The following XXYLT1 variants were observed in gnomAD, a reference collection of about 807,000 sequenced individuals.
XXYLT1 encodes the protein UDP-xylose:alpha-xyloside alpha-1,3-xylosyltransferase.
In XXYLT1, 20 loss-of-function variants were observed where a neutral mutation model predicts 28.9. The ratio of observed to expected loss-of-function variants is 0.69; its 90% CI spans 0.49 to 1.00. XXYLT1 has a LOEUF of 1.00. XXYLT1 is among the 50% of genes least tolerant of loss of function. The pLI is 0.00. For missense variants in XXYLT1, 542 were observed against 560.1 expected, an observed-to-expected ratio of 0.97 and a Z score of 0.33; for synonymous variants, 257 against 253.8, an observed-to-expected ratio of 1.01 and a Z score of -0.12.
rs1721887187 is a variant in XXYLT1 at position 195,180,307 on chromosome 3, C to T, written c.653-23726G>A. On this transcript the variant is annotated intron_variant, in intron 2 of 3. Coordinates refer to ENST00000310380, the MANE Select transcript of XXYLT1 (RefSeq NM_152531.5). The surrounding 1 kb of genome is among the most constrained non-coding windows in gnomAD (Gnocchi z 5.8). ...GGAAAGGTCCCTTCCATCCTGGGGA[C>T]CCAACTCATGAGGGCCCAGAAGGAA... The T allele has an allele frequency of 1.0e-6, 1 of 985,126 alleles. No homozygotes were observed. Among genetic ancestry groups the T allele is most frequent in the South Asian group, 4.7e-5 (1 of 21,268 alleles). 61.0% of individuals were successfully genotyped at this position (985,126 alleles called of 1,614,324 possible). A position where few individuals can be genotyped will look rare whatever the true frequency, so the allele number is the denominator to read the frequency against.
intron 3 of XXYLT1, among the ~76,000 whole-genome samples, chr3:195,083,352 C>T (rs1374797645): frequency 2.0e-5 from 3 of 152,194 alleles, no homozygotes; most frequent in African/African-American, 7.2e-5. Flanking sequence ...AGACTCCTCC[C>T]AGGCTGGAGT....
intron 1 of XXYLT1, among the ~76,000 whole-genome samples, chr3:195,229,896 A>C (rs895578583): frequency 6.6e-6 from 1 of 152,172 alleles, no homozygotes; most frequent in Admixed American, 6.5e-5. Context: ...TCTTTTGGGT[A>C]TATATCTAGC....
At chr3:195,234,374 G>A (rs1419474583) in intron 1 of XXYLT1, among the ~76,000 whole-genome samples, 5 of 131,916 alleles carry the variant, frequency 3.8e-5, no homozygotes, top group Admixed American at 1.7e-4. Flanking sequence ...CTGGAGTGCA[G>A]TGGCACAATC....
rs563990547 is a variant in XXYLT1, at chr3:195,150,832, A to T, written c.785+5617T>A. ...CTCACATACACACACACTCACACAT[A>T]CGCACACTCTCTCACACACTCTCAC... On this transcript the variant is annotated intron_variant, in intron 3 of 3. Transcript: ENST00000310380. This position sits in a 1 kb window ranked among gnomAD's most constrained non-coding sequence, Gnocchi z 4.7. Among the ~76,000 whole-genome samples, 6,370 of 132,484 alleles carry T rather than the reference A, an allele frequency of 0.048. 509 individuals carry two copies. Among genetic ancestry groups the T allele is most frequent in the African/African-American group, 0.16 (6,011 of 36,956 alleles). 86.9% of individuals were successfully genotyped at this position (132,484 alleles called of 152,430 possible).
intron 2 of XXYLT1, among the ~76,000 whole-genome samples, chr3:195,186,675 C>T (rs1722210435): frequency 2.0e-5 from 3 of 152,044 alleles, no homozygotes; most frequent in South Asian, 4.2e-4. Context: ...CCTTCGTTGC[C>T]CTTATTGCAG....
chr3:195,215,980 C>T (rs1254882087), intron 2 of XXYLT1, among the ~76,000 whole-genome samples: 2 of 151,590 alleles, frequency 1.3e-5, no homozygotes, highest in African/African-American at 4.8e-5. Context: ...ATCTCTCAGA[C>T]CACAGTGCAA....
At chr3:195,214,393 C>T (rs1049988124) in intron 2 of XXYLT1, among the ~76,000 whole-genome samples, 1 of 152,072 alleles carries the variant, frequency 6.6e-6, no homozygotes, top group Non-Finnish European at 1.5e-5. Context: ...CAGAGTGAGA[C>T]CTCACTCCCA....
chr3:195,183,749 A>C (rs1031167001), intron 2 of XXYLT1: 1 of 152,322 alleles, frequency 6.6e-6, no homozygotes, highest in Non-Finnish European at 1.5e-5. Flanking sequence ...CAAGGAGCCC[A>C]GAACCCAACT....
chr3:195,238,974 T>C (rs180949539), intron 1 of XXYLT1, among the ~76,000 whole-genome samples: 1 of 152,226 alleles, frequency 6.6e-6, no homozygotes, highest in East Asian at 1.9e-4. Flanking sequence ...CTCAGCCAGC[T>C]CACTCCCTAC....
chr3:195,128,302 A>T (rs1718738391), intron 3 of XXYLT1, among the ~76,000 whole-genome samples: 1 of 152,168 alleles, frequency 6.6e-6, no homozygotes, highest in African/African-American at 2.4e-5. Context: ...CGCCCAAGCC[A>T]GAACCCCCAG....
At position 195,210,068 on chromosome 3, in the gene XXYLT1, G is replaced by A. The variant is rs1201827207; in HGVS notation, c.652+16641C>T. 6.8e-6 allele frequency among the ~76,000 whole-genome samples: 1 copy of A among 146,646 alleles called. No homozygotes were observed. The highest frequency in any genetic ancestry group is 6.6e-5 in the Admixed American group (1 of 15,054). On this transcript the variant is annotated intron_variant, in intron 2 of 3. Transcript: ENST00000310380. This position sits in a 1 kb window ranked among gnomAD's most constrained non-coding sequence, Gnocchi z 4.8. ...CTGGGCAGCAGCAGCTGCAGTCCAG[G>A]CTGAGGCCCCGGCCGCCCGCACACC...
intron 3 of XXYLT1, chr3:195,093,687 AT>A (rs1716244898): frequency 1.3e-5 from 2 of 148,792 alleles, no homozygotes; most frequent in Admixed American, 6.7e-5. Context: ...TAATAAAAAA[AT>A]AAAAATAAAT....
chr3:195,109,808 GA>G (rs1717401552), intron 3 of XXYLT1, among the ~76,000 whole-genome samples: 1 of 49,856 alleles, frequency 2.0e-5, no homozygotes, highest in African/African-American at 7.6e-5. Flanking sequence ...TGTGGTGTAT[GA>G]GTGTGTGTGT....
At chr3:195,269,091 C>T (rs573796954) in intron 1 of XXYLT1, among the ~76,000 whole-genome samples, 2 of 152,232 alleles carry the variant, frequency 1.3e-5, no homozygotes, top group African/African-American at 4.8e-5. Context: ...CTGGAAAGCA[C>T]TGGCTGTGCA....
chr3:195,169,145 A>G (rs1031920734), intron 2 of XXYLT1, among the ~76,000 whole-genome samples: 52 of 151,142 alleles, frequency 3.4e-4, no homozygotes, highest in Non-Finnish European at 8.8e-5. Flanking sequence ...CTGGCCGACC[A>G]TGATGGCTAC....
At chr3:195,157,029 G>A (rs1720634159) in intron 2 of XXYLT1, among the ~76,000 whole-genome samples, 1 of 151,962 alleles carries the variant, frequency 6.6e-6, no homozygotes, top group South Asian at 2.1e-4. Flanking sequence ...TAGATCACGA[G>A]GTCAGGAGTT....
chr3:195,269,077 T>G (rs555347670), intron 1 of XXYLT1, among the ~76,000 whole-genome samples: 1 of 152,196 alleles, frequency 6.6e-6, no homozygotes, highest in Non-Finnish European at 1.5e-5. Context: ...CAAAGGCAAG[T>G]AGGCTGGAAA....
chr3:195,156,528 G>A lies in XXYLT1; in HGVS notation c.706C>T (p.Arg236Trp), dbSNP rs745899989. ...DLDLKFKTNI[R>W]ELFEEFDSFL... ...CTGTCAAATTCCTCAAACAACTCCC[G>A]GATGTTGGTCTTAAACTTCAGGTCT... is the stretch of plus-strand genomic sequence containing the variant. Residue 236 changes from arginine to tryptophan, a missense_variant, in exon 3 of 4, where the codon CGG (arginine) becomes TGG (tryptophan). Arg to Trp is a moderately radical substitution (Grantham distance 101). Coordinates refer to ENST00000310380, the MANE Select transcript of XXYLT1 (RefSeq NM_152531.5). 29 of 1,614,126 alleles carry A rather than the reference G, an allele frequency of 1.8e-5. No individual in the cohort carries two copies. The highest frequency in any genetic ancestry group is 6.7e-5 in the Admixed American group (4 of 60,010).
At chr3:195,211,966 T>A in intron 2 of XXYLT1, among the ~76,000 whole-genome samples, 1 of 135,530 alleles carries the variant, frequency 7.4e-6, no homozygotes, top group South Asian at 2.4e-4. Context: ...ACCAGGAAGA[T>A]CTGGAGGAGG....
Sources: allele counts gnomAD v4.1 joint callset (sites outside exome capture counted in the v4.1 genomes callset), GRCh38; gene constraint gnomAD v4.1.1; non-coding constraint Gnocchi (gnomAD v3.1); transcripts MANE v1.5; gene names NCBI Gene and HGNC (gene_info 2026-07-23, HGNC 2026-07-21).